Variants in OR4K14 observed in about 807,000 individuals in gnomAD.
OR4K14 encodes the protein olfactory receptor family 4 subfamily K member 14, also known as olfactory receptor 4K14.
For synonymous variants in OR4K14, 153 were observed against 141.5 expected (o/e 1.08, Z -0.58); for missense variants, 406 against 373.6 (o/e 1.09, Z -0.72).
chr14:20,017,307 A>G (rs1324986983), intron 1 of OR4K14, among the ~76,000 whole-genome samples: 1 of 152,054 alleles, frequency 6.6e-6, no homozygotes, highest in Non-Finnish European at 1.5e-5. Context: ...ACACTCACTC[A>G]TTCAGACTGT....
At chr14:20,015,252 C>T in intron 1 of OR4K14, 30 bp from the exon 2 acceptor site, 1 of 1,012,666 alleles carries the variant, frequency 9.9e-7, no homozygotes, top group Non-Finnish European at 1.5e-6. Flanking sequence ...CTGTCATTTG[C>T]AGCAACACCT....
chr14:20,016,378 G>A (rs1273754901), intron 1 of OR4K14, among the ~76,000 whole-genome samples: 1 of 151,770 alleles, frequency 6.6e-6, no homozygotes, highest in Non-Finnish European at 1.5e-5. Context: ...TATGGGCGGG[G>A]GGTGATGTAT....
intron 1 of OR4K14, among the ~76,000 whole-genome samples, chr14:20,017,399 A>T (rs569852113): frequency 6.6e-5 from 10 of 151,984 alleles, no homozygotes; most frequent in Non-Finnish European, 1.3e-4. Flanking sequence ...TAAATCACTT[A>T]ACCTAGGTTT....
Position 20,014,529 on chromosome 14 carries a change from A to C in OR4K14, c.665T>G (p.Ile222Ser), listed in dbSNP as rs1877047550. 1 of 1,614,006 alleles carries C rather than the reference A, an allele frequency of 6.2e-7. No individual in the cohort carries two copies. The highest frequency in any genetic ancestry group is 1.1e-5 in the South Asian group (1 of 91,074). The stretch of plus-strand genomic sequence containing the variant: ...AGCACGCTGTCTGATAGCGAGGAGG[A>C]TCACGGTGTAGGAGATCAGGAGGAG... ...FLLLLISYTV[I>S]LLAIRQRAAG... The change falls in exon 2 of 2, where the codon ATC (isoleucine) becomes AGC (serine). Residue 222 changes from isoleucine (I) to serine (S), a missense_variant. By Grantham distance (142) the Ile-to-Ser change is moderately radical. Transcript: ENST00000641793.
rs1361555994 is a variant in OR4K14 at position 20,019,123 on chromosome 14, T to C, written c.-30+20A>G. 2 of 152,088 alleles carry C rather than the reference T, an allele frequency of 1.3e-5. No individual in the cohort carries two copies. Among genetic ancestry groups the C allele is most frequent in the Non-Finnish European group, 2.9e-5 (2 of 67,936 alleles). 9.4% of individuals were successfully genotyped at this position (152,088 alleles called of 1,614,324 possible). A position where few individuals can be genotyped will look rare whatever the true frequency, so the allele number is the denominator to read the frequency against. The stretch of plus-strand genomic sequence containing the variant: ...ATATCTCATGCATGTTCATATTTAT[T>C]ACAAAAGTTCTTTACTAACCTGGAG... On this transcript the variant is annotated intron_variant, in intron 1 of 1. Transcript: ENST00000641793.
intron 1 of OR4K14, 44 bp from the exon 2 acceptor site, chr14:20,015,266 G>T: frequency 1.1e-6 from 1 of 878,144 alleles, no homozygotes. Context: ...AACACCTCAA[G>T]GACATTGTAT....
At chr14:20,018,856 C>T (rs990680805) in intron 1 of OR4K14, among the ~76,000 whole-genome samples, 9 of 151,662 alleles carry the variant, frequency 5.9e-5, no homozygotes, top group African/African-American at 2.2e-4. Flanking sequence ...TAAATAATCT[C>T]GATTAAAGTT....
intron 1 of OR4K14, among the ~76,000 whole-genome samples, chr14:20,018,941 A>T (rs1409421671): frequency 1.3e-5 from 2 of 152,042 alleles, no homozygotes; most frequent in African/African-American, 4.8e-5. Context: ...ATCAGAAAAA[A>T]ATGACATTGA....
chr14:20,016,805 C>T (rs1877109018), intron 1 of OR4K14, among the ~76,000 whole-genome samples: 1 of 151,920 alleles, frequency 6.6e-6, no homozygotes, highest in African/African-American at 2.4e-5. Flanking sequence ...AGAGTGTAGA[C>T]TGATAATCAG....
At chr14:20,016,768 G>T (rs1335659069) in intron 1 of OR4K14, among the ~76,000 whole-genome samples, 1 of 152,086 alleles carries the variant, frequency 6.6e-6, no homozygotes, top group African/African-American at 2.4e-5. Context: ...GCAAACTAGA[G>T]AGAAAAGGTG....
At chr14:20,016,204 T>G (rs1877095898) in intron 1 of OR4K14, among the ~76,000 whole-genome samples, 1 of 144,332 alleles carries the variant, frequency 6.9e-6, no homozygotes. Flanking sequence ...AACACAAAAC[T>G]AAACCTAGCA....
At chr14:20,015,945 G>A (rs1877088789) in intron 1 of OR4K14, among the ~76,000 whole-genome samples, 1 of 150,478 alleles carries the variant, frequency 6.6e-6, no homozygotes, top group Non-Finnish European at 1.5e-5. Context: ...TAAAAACATG[G>A]ATCAATCAAG....
At chr14:20,016,143 G>A (rs530383239) in intron 1 of OR4K14, among the ~76,000 whole-genome samples, 2 of 137,182 alleles carry the variant, frequency 1.5e-5, no homozygotes, top group African/African-American at 5.1e-5. Context: ...GAAACTGAAT[G>A]TACATTATTA....
Position 20,014,478 on chromosome 14 carries a change from G to C in OR4K14, c.716C>G (p.Ser239Cys), listed in dbSNP as rs369576157. 1 of 1,614,120 alleles carries C rather than the reference G, an allele frequency of 6.2e-7. No homozygotes were observed. Among genetic ancestry groups the C allele is most frequent in the Non-Finnish European group, 8.5e-7 (1 of 1,179,974 alleles). The stretch of plus-strand genomic sequence containing the variant: ...TACCATGATATGTGCAGAGCAAGTG[G>C]AGAGTGCTTTGGATGTGCTACCGGC... ...RAAGSTSKAL[S>C]TCSAHIMVVT... Residue 239 changes from serine (S) to cysteine (C), a missense_variant, in exon 2 of 2, where the codon TCC (serine) becomes TGC (cysteine). Coordinates refer to ENST00000641793, the MANE Select transcript of OR4K14 (RefSeq NM_001004712.2).
At position 20,014,281 on chromosome 14, in the gene OR4K14, G is replaced by A. The variant is rs181753558; in HGVS notation, c.913C>T (p.Arg305Ter). 1.1e-4 allele frequency: 170 copies of A among 1,602,478 alleles called. No individual in the cohort carries two copies. The East Asian group carries it at 2.3e-3, about 22-fold the overall frequency. ...MKAAMKKLQN[R>*]RVTFQ ...GGATTTCATTGAAAAGTCACCCGTC[G>A]GTTTTGCAGTTTCTTCATAGCTGCT... Residue 305 changes from arginine (R) to a stop codon, truncating the protein, a stop_gained, in exon 2 of 2, where the codon CGA becomes TGA. Transcript: ENST00000641793. LOFTEE classifies it high-confidence loss of function.
chr14:20,019,079 A>G (rs1594160192), intron 1 of OR4K14, 64 bp downstream of exon 1: 1 of 134,034 alleles, frequency 7.5e-6, no homozygotes, highest in Admixed American at 7.6e-5. Flanking sequence ...TAATATAACA[A>G]TTAGTCTGTA....
chr14:20,014,225 T>A lies in OR4K14; in HGVS notation c.*36A>T. ...TATTAAAGAAATTATATCTGCTGAA[T>A]GAATAGAAACATCTAACACTATGGA... On this transcript the variant is annotated 3_prime_UTR_variant, in exon 2 of 2. Transcript: ENST00000641793. 1 of 1,297,662 alleles carries A rather than the reference T, an allele frequency of 7.7e-7. No individual in the cohort carries two copies. Among genetic ancestry groups the A allele is most frequent in the Non-Finnish European group, 1.1e-6 (1 of 935,212 alleles). 80.4% of individuals were successfully genotyped at this position (1,297,662 alleles called of 1,614,324 possible). A position where few individuals can be genotyped will look rare whatever the true frequency, so the allele number is the denominator to read the frequency against.
At chr14:20,015,506 T>C (rs1877078940) in intron 1 of OR4K14, among the ~76,000 whole-genome samples, 1 of 152,318 alleles carries the variant, frequency 6.6e-6, no homozygotes, top group Admixed American at 6.5e-5. Flanking sequence ...AATAGCAATA[T>C]ATTATACACT....
rs1877148073 is a variant in OR4K14 at position 20,018,682 on chromosome 14, G to C, written c.-30+461C>G. 2.6e-5 allele frequency among the ~76,000 whole-genome samples: 4 copies of C among 152,030 alleles called. 1 individual carries two copies. The South Asian group carries it at 8.3e-4, about 31-fold the overall frequency. On this transcript the variant is annotated intron_variant, in intron 1 of 1. Transcript: ENST00000641793. Reference sequence around the variant, plus strand: ...AAACAAACATAAAGGAACTCAATTTGCTATTGAATCAAAGTTGTTCTACAG... The same window carrying C: ...AAACAAACATAAAGGAACTCAATTTCCTATTGAATCAAAGTTGTTCTACAG...
Sources: allele counts gnomAD v4.1 joint callset (sites outside exome capture counted in the v4.1 genomes callset), GRCh38; gene constraint gnomAD v4.1.1; transcripts MANE v1.5; gene names NCBI Gene and HGNC (gene_info 2026-07-23, HGNC 2026-07-21).